ATP10B: variants seen among roughly 807,000 people sequenced by gnomAD.
ATP10B encodes ATPase phospholipid transporting 10B (putative), also known as phospholipid-transporting ATPase VB.
Under a neutral mutation model 141.2 loss-of-function variants are expected in ATP10B, and 122 were observed. That is an observed-to-expected ratio of 0.86 (90% CI 0.75 to 1.00). The LOEUF is 1.00. Among genes scored for constraint, ATP10B ranks in the 50% least tolerant of loss-of-function variants. The pLI, the probability that ATP10B is intolerant of heterozygous loss-of-function variation, is 0.00. For synonymous variants in ATP10B, 685 were observed against 692.0 expected (o/e 0.99, Z 0.16); for missense variants, 1,876 against 1,825.3 (o/e 1.03, Z -0.51).
chr5:160,586,115 C>G (rs185362036), intron 24 of ATP10B, among the ~76,000 whole-genome samples: 9 of 152,272 alleles, frequency 5.9e-5, no homozygotes, highest in Admixed American at 4.6e-4. Context: ...TGTCCTAATG[C>G]TCTCCCTCCG....
At chr5:160,822,433 C>T (rs1490260288) in intron 1 of ATP10B, among the ~76,000 whole-genome samples, 1 of 152,034 alleles carries the variant, frequency 6.6e-6, no homozygotes, top group Non-Finnish European at 1.5e-5. Context: ...TTAGTAAAAC[C>T]ACTATGGAGA....
At position 160,766,832 on chromosome 5, in the gene ATP10B, TTTTC is replaced by T. The variant is rs1292676206; in HGVS notation, c.-331+18723_-331+18726del. Among the ~76,000 whole-genome samples the T allele has an allele frequency of 3.9e-5, 6 of 152,276 alleles. No individual in the cohort carries two copies. In the East Asian group the frequency reaches 5.8e-4, roughly 15 times the overall value. On this transcript the variant is annotated intron_variant, in intron 2 of 25. Transcript: ENST00000327245. ...TTAGCTTTAGAAAAAAAATATTACG[TTTTC>T]TTTATTTTTCTCATTTTGCTACAGA...
chr5:160,802,553 C>G (rs1012905068), intron 1 of ATP10B, among the ~76,000 whole-genome samples: 1 of 152,178 alleles, frequency 6.6e-6, no homozygotes, highest in African/African-American at 2.4e-5. Flanking sequence ...AGTCATCTCC[C>G]CAACAAAACA....
At chr5:160,840,801 G>T (rs1314195385) in intron 1 of ATP10B, among the ~76,000 whole-genome samples, 2 of 151,976 alleles carry the variant, frequency 1.3e-5, no homozygotes, top group African/African-American at 4.8e-5. Context: ...GAAAAAGAGA[G>T]GCAATTTATA....
chr5:160,715,957 C>A (rs1765624602), intron 3 of ATP10B, among the ~76,000 whole-genome samples: 1 of 152,104 alleles, frequency 6.6e-6, no homozygotes, highest in African/African-American at 2.4e-5. Flanking sequence ...GATCCACTCT[C>A]CTGGGCCTCC....
At chr5:160,922,467 T>G in the ATP10B span, among the ~76,000 whole-genome samples, 4 of 152,178 alleles carry the variant, frequency 2.6e-5, no homozygotes, top group African/African-American at 7.2e-5. Flanking sequence ...TGGAGGAGGA[T>G]GTGGGCAAAA....
At position 160,670,465 on chromosome 5, in the gene ATP10B, G is replaced by A; in HGVS notation, c.673C>T (p.Gln225Ter). ...GAAGATATTAGAAAGAGCCCTACCT[G>A]CTGTGAGAAGCCCTTCACGACACAT... Reference protein sequence around the residue: ...QRCVVKGFSQQEVQFEPELFH... With the variant: ...QRCVVKGFSQ Residue 225 changes from glutamine (Q) to a stop codon, truncating the protein, a stop_gained and splice_region_variant, in exon 7 of 26, where the codon CAG becomes TAG. Transcript: ENST00000327245. LOFTEE classifies it high-confidence loss of function. The A allele has an allele frequency of 6.2e-7, 1 of 1,613,838 alleles. No homozygotes were observed. Among genetic ancestry groups the A allele is most frequent in the Non-Finnish European group, 8.5e-7 (1 of 1,179,880 alleles).
chr5:160,906,195 G>A, the ATP10B span, among the ~76,000 whole-genome samples: 13 of 152,234 alleles, frequency 8.5e-5, no homozygotes, highest in African/African-American at 2.2e-4. Flanking sequence ...GCATGTTAAC[G>A]TTGTAAAATA....
At chr5:160,704,912 A>ATTTTTTTTTTTTTT (rs1764894071) in intron 3 of ATP10B, among the ~76,000 whole-genome samples, 2 of 43,688 alleles carry the variant, frequency 4.6e-5, no homozygotes, top group African/African-American at 1.7e-4. Flanking sequence ...CATTTCTTTC[A>ATTTTTTTTTTTTTT]TCTTTTTTTT....
At chr5:160,741,014 C>A (rs1283793472) in intron 2 of ATP10B, among the ~76,000 whole-genome samples, 2 of 152,206 alleles carry the variant, frequency 1.3e-5, no homozygotes, top group Non-Finnish European at 2.9e-5. Context: ...CATCAGGGAG[C>A]TATTCAGTAT....
At chr5:160,751,266 C>G (rs1428951793) in intron 2 of ATP10B, among the ~76,000 whole-genome samples, 1 of 152,228 alleles carries the variant, frequency 6.6e-6, no homozygotes, top group East Asian at 1.9e-4. Flanking sequence ...ATGTCCCCAG[C>G]ATCCCCAGGC....
At chr5:160,883,118 T>C in the ATP10B span, among the ~76,000 whole-genome samples, 5 of 152,340 alleles carry the variant, frequency 3.3e-5, no homozygotes, top group East Asian at 9.6e-4. Flanking sequence ...GTAAATAGTT[T>C]CAGGAAATGC....
intron 2 of ATP10B, among the ~76,000 whole-genome samples, chr5:160,728,788 C>A (rs540214576): frequency 6.6e-6 from 1 of 151,418 alleles, no homozygotes; most frequent in Non-Finnish European, 1.5e-5. Context: ...TTCACGGAAC[C>A]CTTTTGCTGG....
chr5:160,904,439 T>C, the ATP10B span, among the ~76,000 whole-genome samples: 1 of 152,138 alleles, frequency 6.6e-6, no homozygotes, highest in African/African-American at 2.4e-5. Context: ...ACAAGGTACA[T>C]GGTATCACAT....
chr5:160,785,418 G>T (rs867591828), intron 2 of ATP10B, 141 bp downstream of exon 2: 4 of 332,468 alleles, frequency 1.2e-5, no homozygotes, highest in African/African-American at 2.2e-5. Flanking sequence ...GATAGCGGTG[G>T]TGTTTTTTTT....
In ATP10B at chr5:160,717,879, AG is replaced by A. The variant is rs1233435830; in HGVS notation, c.-330-846del. Among the ~76,000 whole-genome samples the A allele has an allele frequency of 2.0e-5, 3 of 152,286 alleles. No individual in the cohort carries two copies. In the East Asian group the frequency reaches 5.8e-4, roughly 29 times the overall value. ...TCCATCTCCTAGTAGACTTCTAGGA[AG>A]GGCTCTCTGGTATGTACCCAAAACT... On this transcript the variant is annotated intron_variant, in intron 2 of 25. Coordinates refer to ENST00000327245, the MANE Select transcript of ATP10B (RefSeq NM_025153.3).
chr5:160,667,474 A>G (rs188529863), intron 7 of ATP10B, among the ~76,000 whole-genome samples: 1 of 152,322 alleles, frequency 6.6e-6, no homozygotes, highest in East Asian at 1.9e-4. Context: ...TATTACTAAA[A>G]TGAAAAAAAC....
intron 24 of ATP10B, among the ~76,000 whole-genome samples, chr5:160,587,032 A>G (rs1755954266): frequency 6.6e-6 from 1 of 152,150 alleles, no homozygotes; most frequent in South Asian, 2.1e-4. Context: ...GCCTGTGCCT[A>G]TGTCCTGAAT....
intron 3 of ATP10B, among the ~76,000 whole-genome samples, chr5:160,707,112 C>T (rs565471554): frequency 3.9e-5 from 6 of 152,000 alleles, no homozygotes; most frequent in South Asian, 2.1e-4. Flanking sequence ...CACCACGCCT[C>T]GCTAATTTTT....
Sources: allele counts gnomAD v4.1 joint callset (sites outside exome capture counted in the v4.1 genomes callset), GRCh38; gene constraint gnomAD v4.1.1; transcripts MANE v1.5; gene names NCBI Gene and HGNC (gene_info 2026-07-23, HGNC 2026-07-21).